Variants in BICDL1 observed in about 807,000 individuals in gnomAD.
BICDL1 encodes the protein BICD family-like cargo adapter 1.
Under a neutral mutation model 76.8 loss-of-function variants are expected in BICDL1, and 20 were observed. The observed-to-expected ratio is 0.26, with a 90% CI of 0.18 to 0.38. The LOEUF is 0.38. Among genes scored for constraint, BICDL1 ranks in the 10% least tolerant of loss-of-function variants. BICDL1 has a pLI of 1.00. For missense variants in BICDL1, 700 were observed against 798.6 expected, an observed-to-expected ratio of 0.88 and a Z score of 1.49; for synonymous variants, 383 against 337.1, an observed-to-expected ratio of 1.14 and a Z score of -1.49.
chr12:119,992,192 T>C (rs892901904), intron 1 of BICDL1, among the ~76,000 whole-genome samples: 2 of 152,332 alleles, frequency 1.3e-5, no homozygotes, highest in South Asian at 2.1e-4. Flanking sequence ...GTTTTAAAAA[T>C]GTTCATTAAA....
At chr12:119,998,373 G>C in intron 1 of BICDL1, 148 bp from the exon 2 acceptor site, 1 of 574,934 alleles carries the variant, frequency 1.7e-6, no homozygotes, top group Admixed American at 3.5e-5. Context: ...TATTTTTGTA[G>C]CTGTGAATTC....
At chr12:120,090,591 C>A (rs781334017) in intron 9 of BICDL1, among the ~76,000 whole-genome samples, 42 of 152,316 alleles carry the variant, frequency 2.8e-4, no homozygotes, top group Non-Finnish European at 8.8e-5. Context: ...CATGGCTCCC[C>A]CACTGGACTG....
intron 2 of BICDL1, among the ~76,000 whole-genome samples, chr12:120,049,729 C>T (rs1952817058): frequency 6.6e-6 from 1 of 152,188 alleles, no homozygotes; most frequent in Non-Finnish European, 1.5e-5. Context: ...CATATGGGGA[C>T]TATACTAACG....
chr12:120,053,468 T>C (rs1445231638), intron 2 of BICDL1, among the ~76,000 whole-genome samples: 1 of 152,078 alleles, frequency 6.6e-6, no homozygotes, highest in East Asian at 1.9e-4. Flanking sequence ...CAGTGTAGAC[T>C]CAGGAATATT....
chr12:120,037,435 G>A (rs994191559), intron 2 of BICDL1, among the ~76,000 whole-genome samples: 3 of 151,814 alleles, frequency 2.0e-5, no homozygotes, highest in Non-Finnish European at 4.4e-5. Flanking sequence ...CCCTGCTCCC[G>A]AGAATTTTCA....
chr12:120,076,319 G>T (rs1252206455), intron 7 of BICDL1, among the ~76,000 whole-genome samples: 1 of 152,188 alleles, frequency 6.6e-6, no homozygotes, highest in African/African-American at 2.4e-5. Flanking sequence ...AAATGCAGGA[G>T]AAAGTTGAAT....
intron 2 of BICDL1, among the ~76,000 whole-genome samples, chr12:120,010,745 T>A (rs1176333178): frequency 6.6e-6 from 1 of 152,176 alleles, no homozygotes; most frequent in Non-Finnish European, 1.5e-5. Flanking sequence ...GTGTTTTTTT[T>A]TATCTGAGTT....
At chr12:120,025,080 CT>C (rs921828571) in intron 2 of BICDL1, among the ~76,000 whole-genome samples, 8 of 137,102 alleles carry the variant, frequency 5.8e-5, no homozygotes, top group Non-Finnish European at 1.2e-4. Flanking sequence ...ACGGAGGAGT[CT>C]TTCTGTCACC....
rs35727779 is a variant in BICDL1 at position 120,032,745 on chromosome 12, AT to A, written c.646-28945del. Among the ~76,000 whole-genome samples the A allele has an allele frequency of 6.5e-3, 814 of 124,468 alleles. 3 individuals carry two copies. The highest frequency in any genetic ancestry group is 0.01 in the African/African-American group (314 of 30,998). 81.7% of individuals were successfully genotyped at this position (124,468 alleles called of 152,430 possible). A position where few individuals can be genotyped will look rare whatever the true frequency, so the allele number is the denominator to read the frequency against. ...CTAGGTTTACCTAAATACATCTATA[AT>A]TTTTTTTTTTTTTTTTTTTGAGATG... On this transcript the variant is annotated intron_variant, in intron 2 of 9. Transcript: ENST00000548673.
At chr12:119,996,104 CA>C (rs1404815315) in intron 1 of BICDL1, among the ~76,000 whole-genome samples, 1 of 152,084 alleles carries the variant, frequency 6.6e-6, no homozygotes, top group Non-Finnish European at 1.5e-5. Flanking sequence ...CACATTGCCC[CA>C]AACAGACTGT....
At chr12:119,997,881 C>T (rs935636154) in intron 1 of BICDL1, among the ~76,000 whole-genome samples, 13 of 151,934 alleles carry the variant, frequency 8.6e-5, no homozygotes, top group African/African-American at 2.9e-4. Flanking sequence ...TTTGGGAGGC[C>T]GGGCCGGGGG....
rs140060448 is a variant in BICDL1 at position 120,009,930 on chromosome 12, A to G, written c.645+11194A>G. ...TGCTATTATAAGTGTTTTAGAGCTA[A>G]AAGAGAACTTCTGGTCTATCTGGAC... On this transcript the variant is annotated intron_variant, in intron 2 of 9. Coordinates refer to ENST00000548673, the MANE Select transcript of BICDL1 (RefSeq NM_001367886.1). Among the ~76,000 whole-genome samples the G allele has an allele frequency of 2.7e-3, 416 of 152,378 alleles. 3 individuals carry two copies. Among genetic ancestry groups the G allele is most frequent in the Admixed American group, 5.4e-3 (82 of 15,304 alleles).
At chr12:120,063,728 A>G (rs1436876903) in intron 3 of BICDL1, among the ~76,000 whole-genome samples, 1 of 152,236 alleles carries the variant, frequency 6.6e-6, no homozygotes, top group Non-Finnish European at 1.5e-5. Flanking sequence ...GGGCACTGCT[A>G]AATAAATGGG....
At chr12:120,011,533 C>T (rs951000076) in intron 2 of BICDL1, among the ~76,000 whole-genome samples, 1 of 152,052 alleles carries the variant, frequency 6.6e-6, no homozygotes, top group African/African-American at 2.4e-5. Context: ...GATAGAGAAG[C>T]TGTTTGGTCT....
chr12:120,058,187 C>T (rs894573070), intron 2 of BICDL1, among the ~76,000 whole-genome samples: 1 of 152,126 alleles, frequency 6.6e-6, no homozygotes, highest in African/African-American at 2.4e-5. Context: ...AGTTTAAAAG[C>T]TTTTGCTGTG....
chr12:119,995,910 C>T (rs1374778977), intron 1 of BICDL1, among the ~76,000 whole-genome samples: 6 of 151,338 alleles, frequency 4.0e-5, no homozygotes, highest in South Asian at 4.2e-4. Context: ...GGCGTAAACC[C>T]GGGAGGCGGA....
intron 8 of BICDL1, among the ~76,000 whole-genome samples, chr12:120,085,265 G>A (rs912321356): frequency 2.6e-5 from 4 of 152,036 alleles, no homozygotes; most frequent in African/African-American, 7.2e-5. Flanking sequence ...GGCCAACATG[G>A]TGAAACCCCA....
chr12:120,075,443 G>C (rs924627850), intron 7 of BICDL1, among the ~76,000 whole-genome samples: 8 of 151,492 alleles, frequency 5.3e-5, no homozygotes, highest in African/African-American at 1.9e-4. Context: ...GCCCAGGCTG[G>C]AGTATAGTGG....
rs182675470 is a variant in BICDL1, at chr12:120,077,838, G to A, written c.1453-3049G>A. On this transcript the variant is annotated intron_variant, in intron 7 of 9. Coordinates refer to ENST00000548673, the MANE Select transcript of BICDL1 (RefSeq NM_001367886.1). ...CGCTTTGGATTGATCTTCCTGAAGC[G>A]TGACTTGAAAGTGGGACGCCCCTTA... is the stretch of plus-strand genomic sequence containing the variant. Among the ~76,000 whole-genome samples the A allele has an allele frequency of 7.0e-3, 998 of 143,518 alleles. 10 individuals are homozygous for A. Among genetic ancestry groups the A allele is most frequent in the Non-Finnish European group, 9.2e-3 (608 of 66,040 alleles). 94.2% of individuals were successfully genotyped at this position (143,518 alleles called of 152,430 possible). A position where few individuals can be genotyped will look rare whatever the true frequency, so the allele number is the denominator to read the frequency against.
Sources: allele counts gnomAD v4.1 joint callset (sites outside exome capture counted in the v4.1 genomes callset), GRCh38; gene constraint gnomAD v4.1.1; transcripts MANE v1.5; gene names NCBI Gene and HGNC (gene_info 2026-07-23, HGNC 2026-07-21).